LYPD6: variants seen among roughly 807,000 people sequenced by gnomAD.
LYPD6 encodes LY6/PLAUR domain containing 6.
Under a neutral mutation model 22.7 loss-of-function variants are expected in LYPD6, and 15 were observed. The observed-to-expected ratio is 0.66, with a 90% CI of 0.44 to 1.02. LYPD6 has a LOEUF of 1.02. LYPD6 is among the 50% of genes least tolerant of loss of function. The pLI is 0.00. For synonymous variants in LYPD6, 72 were observed against 77.5 expected (o/e 0.93, Z 0.37); for missense variants, 189 against 208.4 (o/e 0.91, Z 0.57).
chr2:149,330,573 C>T (rs973969738), upstream of LYPD6: 9 of 151,108 alleles, frequency 6.0e-5, no homozygotes, highest in African/African-American at 1.2e-4. Context: ...CCCCGCCTCT[C>T]CCCGCTGCGC....
At chr2:149,478,397 T>TGTGTGTGTGTGTGTGTGTGC (rs1180278588), downstream of LYPD6, among the ~76,000 whole-genome samples, 7 of 66,826 alleles carry the variant, frequency 1.0e-4, no homozygotes, top group African/African-American at 2.7e-4. Context: ...TGTGTGTGTG[T>TGTGTGTGTGTGTGTGTGTGC]GTGCGCGCAC....
At chr2:149,354,505 C>A (rs1681416163) in intron 1 of LYPD6, among the ~76,000 whole-genome samples, 1 of 152,114 alleles carries the variant, frequency 6.6e-6, no homozygotes, top group South Asian at 2.1e-4. Context: ...CGCACCTGGC[C>A]TCCTATAGCA....
At chr2:149,448,409 T>C (rs957593454) in intron 2 of LYPD6, among the ~76,000 whole-genome samples, 1 of 152,228 alleles carries the variant, frequency 6.6e-6, no homozygotes, top group East Asian at 1.9e-4. Flanking sequence ...ACTCTGTGTG[T>C]GTACATTTAG....
chr2:149,363,387 T>C (rs1470616107), intron 1 of LYPD6, among the ~76,000 whole-genome samples: 4 of 152,208 alleles, frequency 2.6e-5, no homozygotes, highest in South Asian at 4.1e-4. Context: ...ACAAAGTGTT[T>C]TAATAATTTT....
At chr2:149,451,908 C>T (rs1680832794) in intron 3 of LYPD6, among the ~76,000 whole-genome samples, 1 of 152,086 alleles carries the variant, frequency 6.6e-6, no homozygotes, top group East Asian at 1.9e-4. Context: ...CTGAACATAT[C>T]AGATGTCAAA....
chr2:149,399,840 A>G (rs1479230800), intron 1 of LYPD6, among the ~76,000 whole-genome samples: 2 of 152,194 alleles, frequency 1.3e-5, no homozygotes, highest in Non-Finnish European at 2.9e-5. Flanking sequence ...CTTCATAATA[A>G]AAGGATAAAT....
chr2:149,485,903 G>A, the LYPD6 span, among the ~76,000 whole-genome samples: 7 of 152,078 alleles, frequency 4.6e-5, no homozygotes, highest in Non-Finnish European at 8.8e-5. Flanking sequence ...ACCTAATCCC[G>A]CCAGACCTCA....
At chr2:149,415,705 C>A (rs1170064331) in intron 1 of LYPD6, among the ~76,000 whole-genome samples, 1 of 152,072 alleles carries the variant, frequency 6.6e-6, no homozygotes, top group Non-Finnish European at 1.5e-5. Context: ...TTCACATCGT[C>A]CCCCAGGCTG....
At chr2:149,478,161 C>T (rs568586577), downstream of LYPD6, among the ~76,000 whole-genome samples, 1 of 152,216 alleles carries the variant, frequency 6.6e-6, no homozygotes, top group East Asian at 1.9e-4. Flanking sequence ...TAGCTGGGCT[C>T]ATAACCACCT....
At position 149,437,638 on chromosome 2, in the gene LYPD6, G is replaced by C; in HGVS notation, c.-71G>C. On this transcript the variant is annotated splice_region_variant and 5_prime_UTR_variant, in exon 2 of 5. Transcript: ENST00000334166. ...AGATGATTCTTTCTTCATTTTTCAG[G>C]TGCAAGTTCTCTCCTGTTGCCCTGA... is the stretch of plus-strand genomic sequence containing the variant. 1 of 1,587,824 alleles carries C rather than the reference G, an allele frequency of 6.3e-7. No homozygotes were observed. The highest frequency in any genetic ancestry group is 8.6e-7 in the Non-Finnish European group (1 of 1,165,304).
chr2:149,455,261 T>G (rs1320744559), intron 3 of LYPD6, among the ~76,000 whole-genome samples: 33 of 150,412 alleles, frequency 2.2e-4, no homozygotes, highest in Admixed American at 1.9e-3. Context: ...TAGCAAGTTT[T>G]TTTTTTTTTT....
chr2:149,424,729 G>A (rs1683154925), intron 1 of LYPD6, among the ~76,000 whole-genome samples: 1 of 152,180 alleles, frequency 6.6e-6, no homozygotes, highest in African/African-American at 2.4e-5. Context: ...GCAGCGTGGT[G>A]CACTAGACAC....
At chr2:149,441,937 C>A (rs1053046155) in intron 2 of LYPD6, among the ~76,000 whole-genome samples, 1 of 152,104 alleles carries the variant, frequency 6.6e-6, no homozygotes, top group Non-Finnish European at 1.5e-5. Context: ...GAGCTGTATT[C>A]CTGTGGGGGC....
At chr2:149,379,933 A>G (rs1406555138) in intron 1 of LYPD6, among the ~76,000 whole-genome samples, 1 of 151,350 alleles carries the variant, frequency 6.6e-6, no homozygotes, top group East Asian at 1.9e-4. Context: ...TCAGAAGGTG[A>G]GAGAGAAGTA....
At chr2:149,433,817 G>T (rs796638566) in intron 1 of LYPD6, among the ~76,000 whole-genome samples, 20 of 152,152 alleles carry the variant, frequency 1.3e-4, no homozygotes, top group African/African-American at 4.8e-4. Flanking sequence ...TATGTACTCT[G>T]TGTCTAGTCT....
chr2:149,436,189 A>G (rs187424198), intron 1 of LYPD6, among the ~76,000 whole-genome samples: 7 of 152,320 alleles, frequency 4.6e-5, no homozygotes, highest in Admixed American at 3.9e-4. Context: ...GTTTCATAAT[A>G]TATTTCCTTG....
chr2:149,361,375 A>G (rs1363197679), intron 1 of LYPD6, among the ~76,000 whole-genome samples: 1 of 152,212 alleles, frequency 6.6e-6, no homozygotes, highest in East Asian at 1.9e-4. Flanking sequence ...ATTTTCCTAC[A>G]AAAGGGTAAC....
chr2:149,376,389 A>G (rs1310860083), intron 1 of LYPD6, among the ~76,000 whole-genome samples: 1 of 152,130 alleles, frequency 6.6e-6, no homozygotes, highest in African/African-American at 2.4e-5. Context: ...CTGAGCCCAG[A>G]ACATTTTTTT....
Position 149,470,789 on chromosome 2 carries a change from A to ACC in LYPD6, c.457_458dup (p.Arg154HisfsTer6). The ACC allele has an allele frequency of 6.2e-7, 1 of 1,613,766 alleles. No homozygotes were observed. The highest frequency in any genetic ancestry group is 8.5e-7 in the Non-Finnish European group (1 of 1,179,824). ...TCACCTATAAATCAGACAAATGGGC[A>ACC]CCCACGCTGTATGTCAGTGATAGTG... On this transcript the variant is annotated frameshift_variant, in exon 5 of 5. Coordinates refer to ENST00000334166, the MANE Select transcript of LYPD6 (RefSeq NM_194317.5). LOFTEE classifies it high-confidence loss of function.
Sources: gnomAD v4.1 joint callset for allele counts (sites outside exome capture counted in the v4.1 genomes callset) on GRCh38, gnomAD v4.1.1 for gene constraint, MANE v1.5 for transcripts, NCBI Gene and HGNC (gene_info 2026-07-23, HGNC 2026-07-21) for gene names.